Variants in CPO observed in about 807,000 individuals in gnomAD.
The protein encoded by CPO is metallocarboxypeptidase C.
Under a neutral mutation model 41.2 loss-of-function variants are expected in CPO, and 43 were observed. The observed-to-expected ratio is 1.04, with a 90% CI of 0.82 to 1.35. The LOEUF (loss-of-function observed/expected upper bound fraction) is 1.35, where lower values mean the gene tolerates loss of function less well. Among genes scored for constraint, CPO ranks in the 40% most tolerant of loss-of-function variants. The pLI is 0.00. For missense variants in CPO, 408 were observed against 451.7 expected (o/e 0.90, Z 0.88); for synonymous variants, 178 against 162.7 (o/e 1.09, Z -0.72).
chr2:206,941,370 A>G (rs1693026987), intron 1 of CPO, among the ~76,000 whole-genome samples: 1 of 152,124 alleles, frequency 6.6e-6, no homozygotes, highest in African/African-American at 2.4e-5. Context: ...GGCTGTATAT[A>G]AATCTAATGG....
At chr2:206,941,159 A>G (rs1693023015) in intron 1 of CPO, among the ~76,000 whole-genome samples, 1 of 152,024 alleles carries the variant, frequency 6.6e-6, no homozygotes, top group South Asian at 2.1e-4. Flanking sequence ...AAAGTCTGAA[A>G]GAGTTTTATG....
At chr2:206,939,967 C>T (rs1458160801) in intron 1 of CPO, among the ~76,000 whole-genome samples, 1 of 152,022 alleles carries the variant, frequency 6.6e-6, no homozygotes, top group Non-Finnish European at 1.5e-5. Flanking sequence ...ATTCTATATC[C>T]TTCATTTTCA....
At chr2:206,960,480 T>C (rs1424438044) in intron 5 of CPO, among the ~76,000 whole-genome samples, 1 of 152,240 alleles carries the variant, frequency 6.6e-6, no homozygotes, top group African/African-American at 2.4e-5. Flanking sequence ...TTTTTCCATC[T>C]GTCAAGCTAT....
rs377188152 is a variant in CPO at position 206,965,393 on chromosome 2, A to T, written c.777+2779A>T. ...CCATTTCTAGTACTATTTACAAGCC[A>T]CAGAGACTAGTAATTAATCTCTATT... On this transcript the variant is annotated intron_variant, in intron 7 of 8. Transcript: ENST00000272852. Among the ~76,000 whole-genome samples the T allele has an allele frequency of 1.2e-3, 179 of 152,310 alleles. 2 individuals carry two copies. The highest frequency in any genetic ancestry group is 0.01 in the Middle Eastern group (3 of 294).
chr2:206,960,879 C>T lies in CPO; in HGVS notation c.511C>T (p.Pro171Ser), dbSNP rs73983120. ...TDRLWRKSRS[P>S]HNNGTCFGTD... ...TCGTCTTTGGAGGAAATCCCGTTCA[C>T]CCCATAATAATGGCACATGTTTTGG... The change falls in exon 6 of 9, where the codon CCC becomes TCC. Residue 171 changes from proline to serine, a missense_variant. Coordinates refer to ENST00000272852, the MANE Select transcript of CPO (RefSeq NM_173077.3). 27 of 1,613,488 alleles carry T rather than the reference C, an allele frequency of 1.7e-5. No individual in the cohort carries two copies. The highest frequency in any genetic ancestry group is 2.1e-5 in the Non-Finnish European group (25 of 1,179,526).
chr2:206,941,641 T>C (rs1345742785), intron 1 of CPO, among the ~76,000 whole-genome samples: 4 of 152,166 alleles, frequency 2.6e-5, no homozygotes, highest in Admixed American at 1.3e-4. Context: ...CTTGTCTTTA[T>C]TGGCTGTTTT....
At chr2:206,947,844 A>T (rs1693174883) in intron 1 of CPO, among the ~76,000 whole-genome samples, 1 of 152,232 alleles carries the variant, frequency 6.6e-6, no homozygotes, top group Non-Finnish European at 1.5e-5. Flanking sequence ...TTAAAATAAG[A>T]TGATAATACT....
intron 7 of CPO, among the ~76,000 whole-genome samples, chr2:206,963,386 C>T (rs185883520): frequency 5.3e-5 from 8 of 152,126 alleles, no homozygotes; most frequent in Non-Finnish European, 8.8e-5. Context: ...CTATCTTAAC[C>T]ATTGTTAAAG....
chr2:206,966,241 G>GA (rs11362053), intron 7 of CPO, among the ~76,000 whole-genome samples: 24 of 142,582 alleles, frequency 1.7e-4, no homozygotes, highest in East Asian at 1.0e-3. Flanking sequence ...CTGCAGGAAA[G>GA]AAAAAAAAAA....
intron 2 of CPO, 138 bp from the exon 3 acceptor site, chr2:206,955,325 T>C: frequency 1.5e-6 from 1 of 658,730 alleles, no homozygotes; most frequent in South Asian, 1.8e-5. Flanking sequence ...TGTTTTCTGT[T>C]TCTTTTACCA....
At chr2:206,961,309 C>T (rs993018560) in intron 6 of CPO, among the ~76,000 whole-genome samples, 1 of 152,154 alleles carries the variant, frequency 6.6e-6, no homozygotes, top group Non-Finnish European at 1.5e-5. Context: ...ACAAAGCAAA[C>T]ATTTTTCTCT....
intron 2 of CPO, among the ~76,000 whole-genome samples, chr2:206,953,284 C>T (rs780609410): frequency 2.6e-5 from 4 of 152,176 alleles, no homozygotes; most frequent in Non-Finnish European, 4.4e-5. Flanking sequence ...ACCTATAAGC[C>T]TGTAAAATCA....
Position 206,959,656 on chromosome 2 carries a change from C to G in CPO, c.398C>G (p.Ser133Ter), listed in dbSNP as rs765108050. The change falls in exon 5 of 9, where the codon TCA becomes TGA. Residue 133 changes from serine to a stop codon, truncating the protein, a stop_gained. Coordinates refer to ENST00000272852, the MANE Select transcript of CPO (RefSeq NM_173077.3). LOFTEE classifies it high-confidence loss of function. The stretch of plus-strand genomic sequence containing the variant: ...ATTCTACAAAACCATAAAGACAACT[C>G]AAGTATACGCAAGCTCCTTAGGAAC... ...KEILQNHKDN[S>*]SIRKLLRNLD... 10 of 1,515,306 alleles carry G rather than the reference C, an allele frequency of 6.6e-6. No homozygotes were observed. Among genetic ancestry groups the G allele is most frequent in the Non-Finnish European group, 8.3e-6 (9 of 1,089,998 alleles). 93.9% of individuals were successfully genotyped at this position (1,515,306 alleles called of 1,614,324 possible).
intron 1 of CPO, among the ~76,000 whole-genome samples, chr2:206,944,919 G>A (rs1693115385): frequency 6.6e-6 from 1 of 152,088 alleles, no homozygotes; most frequent in Admixed American, 6.6e-5. Flanking sequence ...TTTGTAGTTT[G>A]GCATTGTTTG....
chr2:206,948,952 A>G (rs544030974), intron 1 of CPO, among the ~76,000 whole-genome samples: 2 of 152,256 alleles, frequency 1.3e-5, no homozygotes, highest in East Asian at 1.9e-4. Flanking sequence ...ATAGCAGGGA[A>G]GATTGTGCAT....
intron 4 of CPO, among the ~76,000 whole-genome samples, chr2:206,959,171 C>T (rs1348732611): frequency 6.6e-6 from 1 of 152,034 alleles, no homozygotes; most frequent in Non-Finnish European, 1.5e-5. Flanking sequence ...TATAATCCTC[C>T]CTTGAGGGAA....
chr2:206,947,651 T>A (rs1170396975), intron 1 of CPO, among the ~76,000 whole-genome samples: 2 of 152,026 alleles, frequency 1.3e-5, no homozygotes, highest in Non-Finnish European at 2.9e-5. Flanking sequence ...AAAACACACA[T>A]CTGATAAAGG....
In CPO at chr2:206,968,277, GA is replaced by G; in HGVS notation, c.794del (p.Lys265ArgfsTer6). 6.2e-7 allele frequency: 1 copy of G among 1,609,884 alleles called. No individual in the cohort carries two copies. The highest frequency in any genetic ancestry group is 8.5e-7 in the Non-Finnish European group (1 of 1,176,198). On this transcript the variant is annotated frameshift_variant, in exon 8 of 9. Coordinates refer to ENST00000272852, the MANE Select transcript of CPO (RefSeq NM_173077.3). LOFTEE classifies it high-confidence loss of function. ...CCCACCTACAGATTCAAGTTGGACA[GA>G]AGGCAGCAAATGCATTGAAAGCAAA... ...NHPEMIQVGQ[K>X]AANALKAKYG...
rs1350221988 is a variant in CPO, at chr2:206,962,544, A to C, written c.707A>C (p.His236Pro). Residue 236 changes from histidine to proline, a missense_variant, in exon 7 of 9, where the codon CAC (histidine) becomes CCC (proline). Coordinates refer to ENST00000272852, the MANE Select transcript of CPO (RefSeq NM_173077.3). ...GATATTTTGTGCTTCCTGACCATGC[A>C]CTCTTATGGGCAGTTAATTCTCACA... Reference protein sequence around the residue: ...KDDILCFLTMHSYGQLILTPY... With the variant: ...KDDILCFLTMPSYGQLILTPY... 8.1e-6 allele frequency: 13 copies of C among 1,614,024 alleles called. 1 individual carries two copies. The highest frequency in any genetic ancestry group is 3.3e-4 in the Middle Eastern group (2 of 6,062).
Sources: allele counts gnomAD v4.1 joint callset (sites outside exome capture counted in the v4.1 genomes callset), GRCh38; gene constraint gnomAD v4.1.1; transcripts MANE v1.5; gene names NCBI Gene and HGNC (gene_info 2026-07-23, HGNC 2026-07-21).